TBC1D23: variants seen among roughly 807,000 people sequenced by gnomAD.
The protein encoded by TBC1D23 is TBC1 domain family member 23.
A neutral mutation model predicts 91.4 loss-of-function variants in TBC1D23; 55 were observed. That is an observed-to-expected ratio of 0.60 (90% CI 0.48 to 0.75). The LOEUF (loss-of-function observed/expected upper bound fraction) is 0.75. Among genes scored for constraint, TBC1D23 ranks in the 30% least tolerant of loss-of-function variants. The pLI is 0.00. For synonymous variants in TBC1D23, 289 were observed against 281.0 expected, an observed-to-expected ratio of 1.03 and a Z score of -0.28; for missense variants, 725 against 836.1, an observed-to-expected ratio of 0.87 and a Z score of 1.64.
At chr3:100,293,104 A>AGTTTCTTT in intron 5 of TBC1D23, among the ~76,000 whole-genome samples, 1 of 150,518 alleles carries the variant, frequency 6.6e-6, no homozygotes, top group Admixed American at 6.6e-5. Flanking sequence ...TATGCCAGAT[A>AGTTTCTTT]GTTTGTTTGT....
intron 4 of TBC1D23, 38 bp from the exon 5 acceptor site, chr3:100,290,539 CT>C: frequency 6.2e-7 from 1 of 1,600,852 alleles, no homozygotes; most frequent in Non-Finnish European, 8.5e-7. Context: ...TATTTCTGAT[CT>C]GTTAATGCAA....
Position 100,323,609 on chromosome 3 carries a change from G to A in TBC1D23, c.2041G>A (p.Asp681Asn). 6.6e-7 allele frequency: 1 copy of A among 1,521,274 alleles called. No individual in the cohort carries two copies. The highest frequency in any genetic ancestry group is 8.8e-7 in the Non-Finnish European group (1 of 1,134,118). 94.2% of individuals were successfully genotyped at this position (1,521,274 alleles called of 1,614,324 possible). Residue 681 changes from aspartate (D) to asparagine (N), a missense_variant, in exon 19 of 19, where the codon GAT (aspartate) becomes AAT (asparagine). By Grantham distance (23) the Asp-to-Asn change is conservative. Coordinates refer to ENST00000394144, the MANE Select transcript of TBC1D23 (RefSeq NM_001199198.3). ...TAGGTATTTGATTCCAAATGCAGGG[G>A]ATGCAACTAAAGCCATAAAACAGCA... ...IERYLIPNAGDATKAIKQQIM... is the reference protein window; with the variant it reads ...IERYLIPNAGNATKAIKQQIM...
At chr3:100,323,562 T>G (rs772105266) in intron 18 of TBC1D23, 25 bp from the exon 19 acceptor site, 16 of 1,219,724 alleles carry the variant, frequency 1.3e-5, no homozygotes, top group Non-Finnish European at 1.8e-5. Flanking sequence ...TATATGTATA[T>G]ATATGTATTT....
intron 5 of TBC1D23, among the ~76,000 whole-genome samples, chr3:100,293,595 C>T (rs932229675): frequency 6.6e-6 from 1 of 152,154 alleles, no homozygotes; most frequent in African/African-American, 2.4e-5. Flanking sequence ...TATTGCTATT[C>T]TGTTTGTATG....
At chr3:100,293,427 C>T (rs1368267967) in intron 5 of TBC1D23, among the ~76,000 whole-genome samples, 1 of 152,198 alleles carries the variant, frequency 6.6e-6, no homozygotes, top group Non-Finnish European at 1.5e-5. Context: ...GCCACTGTGC[C>T]TGGCCTCAGA....
chr3:100,324,959 C>G lies in TBC1D23; in HGVS notation c.*1291C>G, dbSNP rs1425846255. 1 of 152,150 alleles carries G rather than the reference C, an allele frequency of 6.6e-6. No individual in the cohort carries two copies. The highest frequency in any genetic ancestry group is 2.4e-5 in the African/African-American group (1 of 41,426). 9.4% of individuals were successfully genotyped at this position (152,150 alleles called of 1,614,324 possible). The stretch of plus-strand genomic sequence containing the variant: ...TGGAAATCAAGTGAATAAAAGGCAA[C>G]ATAATTTGGGAAATTTTATTCTAAT... On this transcript the variant is annotated 3_prime_UTR_variant, in exon 19 of 19. Coordinates refer to ENST00000394144, the MANE Select transcript of TBC1D23 (RefSeq NM_001199198.3).
chr3:100,320,794 C>T lies in TBC1D23; in HGVS notation c.1841C>T (p.Ala614Val). 1 of 1,515,606 alleles carries T rather than the reference C, an allele frequency of 6.6e-7. No individual in the cohort carries two copies. The highest frequency in any genetic ancestry group is 2.4e-5 in the East Asian group (1 of 41,852). 93.9% of individuals were successfully genotyped at this position (1,515,606 alleles called of 1,614,324 possible). ...GTCTCAAGTCATCTGTTGGTTACTG[C>T]AACACATATGTACTGTTTAAGGGAG... ...HMFPSHLLVT[A>V]THMYCLREIV... The change falls in exon 18 of 19, where the codon GCA (alanine) becomes GTA (valine). Residue 614 changes from alanine to valine, a missense_variant. Ala to Val is a moderately conservative substitution (Grantham distance 64, BLOSUM62 0). Transcript: ENST00000394144.
chr3:100,266,397 G>A lies in TBC1D23; in HGVS notation c.53+5326G>A, dbSNP rs182844786. ...GATTCTCCTGCCTCAGTCTCTCAAGGAGCTAAGATTACAGGCATGTGCCAC... is the reference window on the plus strand; with the variant it reads ...GATTCTCCTGCCTCAGTCTCTCAAGAAGCTAAGATTACAGGCATGTGCCAC... On this transcript the variant is annotated intron_variant, in intron 1 of 18. Transcript: ENST00000394144. Among the ~76,000 whole-genome samples, 414 of 152,054 alleles carry A rather than the reference G, an allele frequency of 2.7e-3. 3 individuals carry two copies. The highest frequency in any genetic ancestry group is 4.4e-3 in the Admixed American group (67 of 15,272).
chr3:100,269,498 A>G (rs1490453934), intron 1 of TBC1D23, among the ~76,000 whole-genome samples: 1 of 152,244 alleles, frequency 6.6e-6, no homozygotes, highest in Non-Finnish European at 1.5e-5. Flanking sequence ...TAAGTTGTCA[A>G]GGTCTTTTCT....
chr3:100,319,382 T>G (rs1705809905), intron 17 of TBC1D23, among the ~76,000 whole-genome samples, 178 bp downstream of exon 17: 1 of 152,162 alleles, frequency 6.6e-6, no homozygotes, highest in African/African-American at 2.4e-5. Flanking sequence ...TTTGAAAAAT[T>G]TTATACAAAA....
intron 1 of TBC1D23, among the ~76,000 whole-genome samples, chr3:100,263,402 C>G (rs939403852): frequency 6.6e-6 from 1 of 152,204 alleles, no homozygotes; most frequent in African/African-American, 2.4e-5. Context: ...TGGGCGTATA[C>G]GTGCAAGTCA....
At chr3:100,296,109 T>C in intron 7 of TBC1D23, 63 bp from the exon 8 acceptor site, 3 of 901,676 alleles carry the variant, frequency 3.3e-6, no homozygotes, top group South Asian at 1.8e-5. Context: ...ATTTCGGCTC[T>C]GATACATAAA....
At chr3:100,298,147 A>G in intron 9 of TBC1D23, 102 bp downstream of exon 9, 2 of 1,005,540 alleles carry the variant, frequency 2.0e-6, no homozygotes, top group Non-Finnish European at 2.9e-6. Context: ...ATTTACTGCA[A>G]CAAGGTGGCT....
At chr3:100,316,795 T>TA (rs1359195507) in intron 16 of TBC1D23, among the ~76,000 whole-genome samples, 7 of 151,866 alleles carry the variant, frequency 4.6e-5, no homozygotes, top group African/African-American at 1.2e-4. Flanking sequence ...GGTTATGTTT[T>TA]AAAAAAAATA....
Position 100,319,125 on chromosome 3 carries a change from C to G in TBC1D23, c.1744C>G (p.Gln582Glu). The change falls in exon 17 of 19, where the codon CAG (glutamine) becomes GAG (glutamate). Residue 582 changes from glutamine to glutamate, a missense_variant. Gln to Glu is a conservative substitution (Grantham distance 29, BLOSUM62 2). Coordinates refer to ENST00000394144, the MANE Select transcript of TBC1D23 (RefSeq NM_001199198.3). The part of the protein sequence containing the change: ...DDDRKEVVNI[Q>E]TWINKPDVKH... ...TGATAGAAAAGAGGTTGTAAACATTCAGACTTGGATAAACAAACCAGATGT... is the reference window on the plus strand; with the variant it reads ...TGATAGAAAAGAGGTTGTAAACATTGAGACTTGGATAAACAAACCAGATGT... The G allele has an allele frequency of 6.2e-7, 1 of 1,602,000 alleles. No homozygotes were observed. Among genetic ancestry groups the G allele is most frequent in the Non-Finnish European group, 8.5e-7 (1 of 1,171,348 alleles).
chr3:100,284,286 T>C (rs1251385177), intron 4 of TBC1D23, among the ~76,000 whole-genome samples: 3 of 152,188 alleles, frequency 2.0e-5, no homozygotes, highest in Non-Finnish European at 4.4e-5. Context: ...GTGTTTTTTA[T>C]AACGTGTTGT....
intron 1 of TBC1D23, 83 bp from the exon 2 acceptor site, chr3:100,279,566 A>T: frequency 1.1e-6 from 1 of 920,560 alleles, no homozygotes. Context: ...ACAAGCCTTT[A>T]ATAGGCCATG....
At chr3:100,313,241 T>C (rs911220317) in intron 15 of TBC1D23, among the ~76,000 whole-genome samples, 5 of 152,272 alleles carry the variant, frequency 3.3e-5, no homozygotes, top group Admixed American at 6.5e-5. Context: ...TAGTCTAATT[T>C]TTTTCAACTC....
At chr3:100,321,527 T>A (rs1705858079) in intron 18 of TBC1D23, among the ~76,000 whole-genome samples, 1 of 152,170 alleles carries the variant, frequency 6.6e-6, no homozygotes, top group Admixed American at 6.5e-5. Context: ...ACTTCCCAGA[T>A]CCTAACACTT....
Sources: allele counts gnomAD v4.1 joint callset (sites outside exome capture counted in the v4.1 genomes callset), GRCh38; gene constraint gnomAD v4.1.1; transcripts MANE v1.5; gene names NCBI Gene and HGNC (gene_info 2026-07-23, HGNC 2026-07-21).